The following NTN1 variants were observed in gnomAD, a reference collection of about 807,000 sequenced individuals.
NTN1 encodes the protein netrin-1.
Under a neutral mutation model 54.2 loss-of-function variants are expected in NTN1, and 11 were observed. That is an observed-to-expected ratio of 0.20 (90% CI 0.13 to 0.34). NTN1 has a LOEUF of 0.34. Among genes scored for constraint, NTN1 ranks in the 10% least tolerant of loss-of-function variants. The pLI is 1.00. For synonymous variants in NTN1, 371 were observed against 382.0 expected (o/e 0.97, Z 0.33); for missense variants, 740 against 893.1 (o/e 0.83, Z 2.18).
chr17:9,188,729 C>T (rs999198729), intron 5 of NTN1, among the ~76,000 whole-genome samples: 1 of 152,180 alleles, frequency 6.6e-6, no homozygotes, highest in African/African-American at 2.4e-5. Context: ...CTGACCCTCT[C>T]TCCCCTTTTG....
intron 2 of NTN1, among the ~76,000 whole-genome samples, chr17:9,065,109 G>C (rs1212444518): frequency 6.6e-6 from 1 of 152,006 alleles, no homozygotes; most frequent in African/African-American, 2.4e-5. Flanking sequence ...GCTAATTTTT[G>C]TATTTTTAGT....
chr17:9,157,132 T>C (rs1456503868), intron 2 of NTN1, among the ~76,000 whole-genome samples: 6 of 152,256 alleles, frequency 3.9e-5, no homozygotes, highest in Non-Finnish European at 2.9e-5. Flanking sequence ...GTATGAAGGC[T>C]TTCTGTGGGC....
intron 2 of NTN1, among the ~76,000 whole-genome samples, chr17:9,025,517 TC>T (rs1228242182): frequency 4.6e-5 from 7 of 152,236 alleles, no homozygotes; most frequent in African/African-American, 1.4e-4. Context: ...TTATTTTAAT[TC>T]CCAGTAGTTA....
intron 6 of NTN1, among the ~76,000 whole-genome samples, chr17:9,231,863 C>G (rs957074697): frequency 5.3e-5 from 8 of 152,214 alleles, no homozygotes; most frequent in African/African-American, 1.9e-4. Context: ...TTTCCCTCCT[C>G]CAGAGGCTGG....
chr17:9,120,465 T>G (rs1210969912), intron 2 of NTN1, among the ~76,000 whole-genome samples: 3 of 152,172 alleles, frequency 2.0e-5, no homozygotes, highest in Admixed American at 2.0e-4. Flanking sequence ...TCACATTTTC[T>G]TTAGTTTTCT....
Position 9,135,468 on chromosome 17 carries a change from A to G in NTN1, c.1019-27345A>G, listed in dbSNP as rs1027740090. On this transcript the variant is annotated intron_variant, in intron 2 of 6. Coordinates refer to ENST00000173229, the MANE Select transcript of NTN1 (RefSeq NM_004822.3). The surrounding 1 kb of genome is among the most constrained non-coding windows in gnomAD (Gnocchi z 4.4). ...CTCGGGTTGTCTCCTGTTCCCAGCA[A>G]TAGTTCATTCGCCACTGTCGGGGTC... 2.0e-5 allele frequency among the ~76,000 whole-genome samples: 3 copies of G among 152,058 alleles called. No homozygotes were observed. Among genetic ancestry groups the G allele is most frequent in the African/African-American group, 7.2e-5 (3 of 41,396 alleles).
intron 2 of NTN1, among the ~76,000 whole-genome samples, chr17:9,041,363 C>G (rs1159814348): frequency 1.3e-5 from 2 of 152,222 alleles, no homozygotes; most frequent in Admixed American, 1.3e-4. Flanking sequence ...TCACCCTGAT[C>G]TGCACCCACA....
intron 5 of NTN1, among the ~76,000 whole-genome samples, chr17:9,209,965 C>T (rs777806884): frequency 6.6e-6 from 1 of 152,094 alleles, no homozygotes; most frequent in Non-Finnish European, 1.5e-5. Flanking sequence ...AGAGCAAAAG[C>T]CAGCCTCTGC....
intron 5 of NTN1, among the ~76,000 whole-genome samples, chr17:9,220,578 A>G (rs1905311549): frequency 6.6e-6 from 1 of 152,096 alleles, no homozygotes; most frequent in Non-Finnish European, 1.5e-5. Flanking sequence ...ACGCAGGCCT[A>G]GCAGCCCTGC....
chr17:9,132,425 G>A (rs918703233), intron 2 of NTN1, among the ~76,000 whole-genome samples: 2 of 152,306 alleles, frequency 1.3e-5, no homozygotes, highest in Middle Eastern at 3.4e-3. Context: ...GTCTTCTCTA[G>A]CAGGGACCTA....
At chr17:9,203,569 C>T (rs887212625) in intron 5 of NTN1, among the ~76,000 whole-genome samples, 8 of 152,032 alleles carry the variant, frequency 5.3e-5, no homozygotes, top group Non-Finnish European at 7.4e-5. Context: ...GAGGCTGGGG[C>T]GGGCAGATCA....
chr17:9,237,721 C>T (rs981884435), intron 6 of NTN1, among the ~76,000 whole-genome samples: 39 of 152,156 alleles, frequency 2.6e-4, no homozygotes, highest in Non-Finnish European at 4.7e-4. Context: ...GAGAGGAAAG[C>T]GGGGCTCTCA....
intron 3 of NTN1, chr17:9,175,116 G>A (rs187117355): frequency 1.1e-4 from 17 of 152,420 alleles, no homozygotes; most frequent in African/African-American, 4.1e-4. Context: ...ATGTGCTTCA[G>A]TGGAAAGGGT....
rs1905367794 is a variant in NTN1 at position 9,221,833 on chromosome 17, GA to G, written c.1486+593del. 6.6e-6 allele frequency among the ~76,000 whole-genome samples: 1 copy of G among 152,170 alleles called. No individual in the cohort carries two copies. The highest frequency in any genetic ancestry group is 1.5e-5 in the Non-Finnish European group (1 of 68,014). ...CTGTGACCTCAGGCTCCCTTCCCGG[GA>G]AGGGTGTGTCCTGTCCCCTTGCTCT... On this transcript the variant is annotated intron_variant, in intron 6 of 6. Transcript: ENST00000173229. This position sits in a 1 kb window ranked among gnomAD's most constrained non-coding sequence, Gnocchi z 4.5.
chr17:9,030,582 T>TA (rs2091885618), intron 2 of NTN1, among the ~76,000 whole-genome samples: 1 of 151,816 alleles, frequency 6.6e-6, no homozygotes, highest in Non-Finnish European at 1.5e-5. Flanking sequence ...CCTTCTCTAC[T>TA]AAAAATACAA....
intron 2 of NTN1, 47 bp downstream of exon 2, chr17:9,023,438 CG>C (rs1238331599): frequency 7.5e-7 from 1 of 1,339,524 alleles, no homozygotes; most frequent in Admixed American, 4.0e-5. Context: ...GGGCCGCGGG[CG>C]GGAGCTGCTG....
chr17:9,155,184 C>A (rs182689931), intron 2 of NTN1, among the ~76,000 whole-genome samples: 146 of 152,290 alleles, frequency 9.6e-4, no homozygotes, highest in African/African-American at 3.3e-3. Context: ...AATTACTAGA[C>A]CACTGTCCAT....
chr17:9,090,399 C>T (rs570895076), intron 2 of NTN1, among the ~76,000 whole-genome samples: 9 of 152,190 alleles, frequency 5.9e-5, no homozygotes, highest in Non-Finnish European at 1.2e-4. Context: ...CAGTCTCGAT[C>T]TCTTGACCTC....
chr17:9,223,697 T>C (rs1474545784), intron 6 of NTN1, among the ~76,000 whole-genome samples: 1 of 152,212 alleles, frequency 6.6e-6, no homozygotes, highest in African/African-American at 2.4e-5. Flanking sequence ...GCAGCCCTCT[T>C]GTGAGATGAC....
Sources: allele counts gnomAD v4.1 joint callset (sites outside exome capture counted in the v4.1 genomes callset), GRCh38; gene constraint gnomAD v4.1.1; non-coding constraint Gnocchi (gnomAD v3.1); transcripts MANE v1.5; gene names NCBI Gene and HGNC (gene_info 2026-07-23, HGNC 2026-07-21).